The following SRCIN1 variants were observed in gnomAD, a reference collection of about 807,000 sequenced individuals.
The protein encoded by SRCIN1 is P130Cas-associated protein.
Under a neutral mutation model 116.2 loss-of-function variants are expected in SRCIN1, and 50 were observed. The observed-to-expected ratio is 0.43, with a 90% CI of 0.34 to 0.54. The LOEUF (loss-of-function observed/expected upper bound fraction) is 0.54, where lower values mean the gene tolerates loss of function less well. SRCIN1 is among the 20% of genes least tolerant of loss of function. The probability of loss-of-function intolerance (pLI) is 0.02; values close to 1 mark genes in which losing one functional copy is unlikely to be tolerated. For synonymous variants in SRCIN1, 736 were observed against 750.0 expected, an observed-to-expected ratio of 0.98 and a Z score of 0.30; for missense variants, 1,446 against 1,672.0, an observed-to-expected ratio of 0.86 and a Z score of 2.36.
At chr17:38,573,073 G>A (rs1284618213) in intron 2 of SRCIN1, among the ~76,000 whole-genome samples, 1 of 152,176 alleles carries the variant, frequency 6.6e-6, no homozygotes, top group African/African-American at 2.4e-5. Context: ...AGACAGCCTG[G>A]TGGAAGCCGG....
chr17:38,598,021 C>T (rs1482028149), intron 1 of SRCIN1, among the ~76,000 whole-genome samples: 1 of 152,084 alleles, frequency 6.6e-6, no homozygotes, highest in African/African-American at 2.4e-5. Flanking sequence ...AGAGGAAGCT[C>T]CAGGAAGCCC....
rs1373358990 is a variant in SRCIN1, at chr17:38,602,318, C to A, written c.22+3366G>T. The A allele has an allele frequency of 1.3e-5, 2 of 152,368 alleles. No individual in the cohort carries two copies. The highest frequency in any genetic ancestry group is 1.9e-4 in the East Asian group (1 of 5,182). The allele number at this position is 152,368 out of a possible 1,614,324, so 9.4% of individuals were successfully genotyped here. On this transcript the variant is annotated intron_variant, in intron 1 of 18. Coordinates refer to ENST00000617146, the MANE Select transcript of SRCIN1 (RefSeq NM_025248.3). This position sits in a 1 kb window ranked among gnomAD's most constrained non-coding sequence, Gnocchi z 4.2. ...GGGGAAGCGAGTACAGCCCTCAAAC[C>A]CGCTGACGGCCAGATTTTTATTATC...
Position 38,558,217 on chromosome 17 carries a change from C to A in SRCIN1, c.2201+10G>T. ...CCCCACCCCTCCCTCCGCCGCGGGC[C>A]CAGCCTCACTTGAGCTGCTGGGTAA... On this transcript the variant is annotated intron_variant, in intron 11 of 18. Coordinates refer to ENST00000617146, the MANE Select transcript of SRCIN1 (RefSeq NM_025248.3). This position sits in a 1 kb window ranked among gnomAD's most constrained non-coding sequence, Gnocchi z 4.6. 6.2e-7 allele frequency: 1 copy of A among 1,608,900 alleles called. No individual in the cohort carries two copies. The highest frequency in any genetic ancestry group is 1.3e-5 in the African/African-American group (1 of 74,926).
At chr17:38,588,233 TG>T (rs370738043) in intron 1 of SRCIN1, among the ~76,000 whole-genome samples, 474 of 152,116 alleles carry the variant, frequency 3.1e-3, no homozygotes, top group African/African-American at 0.011. Flanking sequence ...CCCAGGACTG[TG>T]GGGTTGTGAT....
chr17:38,578,454 GGCCGCA>G (rs775700083), intron 2 of SRCIN1, 30 bp downstream of exon 2: 60 of 1,528,168 alleles, frequency 3.9e-5, no homozygotes, highest in African/African-American at 2.3e-4. Flanking sequence ...CGCTGGCCGC[GGCCGCA>G]GCCGCAGCCG....
Position 38,563,284 on chromosome 17 carries a change from TG to T in SRCIN1, c.740+38del. 1 of 1,550,982 alleles carries T rather than the reference TG, an allele frequency of 6.4e-7. No individual in the cohort carries two copies. ...TCCAGCACCCTGCAGAGGAGGAGCG[TG>T]GGGAAGCCCACCCAAATCCCCCCCG... On this transcript the variant is annotated intron_variant, in intron 5 of 18. Coordinates refer to ENST00000617146, the MANE Select transcript of SRCIN1 (RefSeq NM_025248.3). This position sits in a 1 kb window ranked among gnomAD's most constrained non-coding sequence, Gnocchi z 5.8.
intron 1 of SRCIN1, among the ~76,000 whole-genome samples, chr17:38,600,129 C>G (rs1380519698): frequency 6.6e-6 from 1 of 152,202 alleles, no homozygotes; most frequent in African/African-American, 2.4e-5. Context: ...TAAGTCTAAC[C>G]TTGATCTCTC....
In SRCIN1 at chr17:38,605,793, A is replaced by C; in HGVS notation, c.-88T>G. 3.9e-6 allele frequency: 2 copies of C among 508,190 alleles called. No individual in the cohort carries two copies. The highest frequency in any genetic ancestry group is 2.3e-5 in the African/African-American group (1 of 44,344). 31.5% of individuals were successfully genotyped at this position (508,190 alleles called of 1,614,324 possible). Reference sequence around the variant, plus strand: ...CCTCGCGGGCTCCTCGCTCGGCCCCAGCCCCGGGGCGCGGTGCCAGGCGGG... The same window carrying C: ...CCTCGCGGGCTCCTCGCTCGGCCCCCGCCCCGGGGCGCGGTGCCAGGCGGG... On this transcript the variant is annotated 5_prime_UTR_variant, in exon 1 of 19. Transcript: ENST00000617146.
At chr17:38,551,121 C>G in intron 15 of SRCIN1, 34 bp downstream of exon 15, 1 of 956,234 alleles carries the variant, frequency 1.0e-6, no homozygotes, top group Non-Finnish European at 1.6e-6. Context: ...CTCCCCCACG[C>G]TGGGCTCCTT....
At position 38,532,838 on chromosome 17, in the gene SRCIN1, A is replaced by G. The variant is rs2040940221; in HGVS notation, c.*459T>C. ...TGTCCCCGCGTTCCTCCAGGAAGGT[A>G]TCGAGAAACGGGAGAGGGGTCTCCC... On this transcript the variant is annotated 3_prime_UTR_variant, in exon 19 of 19. Coordinates refer to ENST00000617146, the MANE Select transcript of SRCIN1 (RefSeq NM_025248.3). The surrounding 1 kb of genome is among the most constrained non-coding windows in gnomAD (Gnocchi z 4.3). 1 of 153,676 alleles carries G rather than the reference A, an allele frequency of 6.5e-6. No individual in the cohort carries two copies. The highest frequency in any genetic ancestry group is 2.4e-5 in the African/African-American group (1 of 41,460). The allele number at this position is 153,676 out of a possible 1,614,324, so 9.5% of individuals were successfully genotyped here. A position where few individuals can be genotyped will look rare whatever the true frequency, so the allele number is the denominator to read the frequency against.
chr17:38,581,173 G>A (rs540471451), intron 1 of SRCIN1, among the ~76,000 whole-genome samples: 8 of 152,244 alleles, frequency 5.3e-5, no homozygotes, highest in East Asian at 1.9e-4. Context: ...TTGGGAGGCC[G>A]AGGCAGGTGG....
chr17:38,533,460 G>A, intron 18 of SRCIN1, 29 bp from the exon 19 acceptor site: 1 of 1,606,534 alleles, frequency 6.2e-7, no homozygotes, highest in Non-Finnish European at 8.5e-7. Context: ...TCAGGGGTCA[G>A]AGAGCGGAAG....
intron 1 of SRCIN1, among the ~76,000 whole-genome samples, chr17:38,581,044 A>G (rs1259688966): frequency 1.3e-5 from 2 of 152,138 alleles, no homozygotes; most frequent in Non-Finnish European, 2.9e-5. Context: ...TATGTTGCCC[A>G]GGCTGGTCTC....
At chr17:38,550,240 A>T (rs900545434) in intron 15 of SRCIN1, among the ~76,000 whole-genome samples, 1 of 152,184 alleles carries the variant, frequency 6.6e-6, no homozygotes, top group Non-Finnish European at 1.5e-5. Context: ...CAAGTCTGTA[A>T]TCCCAGCACT....
intron 1 of SRCIN1, among the ~76,000 whole-genome samples, chr17:38,581,072 T>C (rs1597923049): frequency 1.3e-5 from 2 of 152,086 alleles, no homozygotes; most frequent in Non-Finnish European, 2.9e-5. Context: ...TAGGCTCAAG[T>C]GATTCTCCCA....
At position 38,551,224 on chromosome 17, in the gene SRCIN1, T is replaced by C; in HGVS notation, c.2893A>G (p.Lys965Glu). ...TGGCCGTGGGGGGCCTTGGGGGGCTTGTGATCTGGAGTGGGGGCCGGGCCT... is the reference window on the plus strand; with the variant it reads ...TGGCCGTGGGGGGCCTTGGGGGGCTCGTGATCTGGAGTGGGGGCCGGGCCT... ...HPGPAPTPDH[K>E]PPKAPHGQKA... is the part of the protein sequence containing the mutation. The change falls in exon 15 of 19, where the codon AAG (lysine) becomes GAG (glutamate). Residue 965 changes from lysine to glutamate, a missense_variant. Physicochemically the swap from Lys to Glu is moderately conservative, Grantham distance 56. Transcript: ENST00000617146. The C allele has an allele frequency of 6.2e-7, 1 of 1,607,198 alleles. No individual in the cohort carries two copies. Among genetic ancestry groups the C allele is most frequent in the Non-Finnish European group, 8.5e-7 (1 of 1,176,504 alleles).
intron 15 of SRCIN1, among the ~76,000 whole-genome samples, chr17:38,549,647 T>A (rs996237684): frequency 6.6e-6 from 1 of 152,148 alleles, no homozygotes; most frequent in African/African-American, 2.4e-5. Context: ...CCTCCAGGGA[T>A]CCTGGCCCCT....
chr17:38,594,622 G>A (rs1908621430), intron 1 of SRCIN1, among the ~76,000 whole-genome samples: 1 of 142,108 alleles, frequency 7.0e-6, no homozygotes, highest in South Asian at 2.2e-4. Flanking sequence ...CCAAGTCTGG[G>A]CCCATCACTA....
intron 11 of SRCIN1, among the ~76,000 whole-genome samples, chr17:38,557,158 T>C (rs562423628): frequency 3.9e-5 from 6 of 152,194 alleles, no homozygotes; most frequent in Non-Finnish European, 5.9e-5. Context: ...AAAATGCACA[T>C]GTACCACCAG....
Sources: allele counts gnomAD v4.1 joint callset (sites outside exome capture counted in the v4.1 genomes callset), GRCh38; gene constraint gnomAD v4.1.1; non-coding constraint Gnocchi (gnomAD v3.1); transcripts MANE v1.5; gene names NCBI Gene and HGNC (gene_info 2026-07-23, HGNC 2026-07-21).